The following PLD5 variants were observed in gnomAD, a reference collection of about 807,000 sequenced individuals.
PLD5 encodes phospholipase D family member 5.
PLD5 carries 36 observed loss-of-function variants against 61.1 expected under a neutral mutation model. The observed-to-expected ratio is 0.59, with a 90% CI of 0.45 to 0.78. The LOEUF (loss-of-function observed/expected upper bound fraction) is 0.78, where lower values mean the gene tolerates loss of function less well. Ranked by LOEUF, PLD5 falls within the 30% of genes least tolerant of loss-of-function variation. The pLI is 0.00. For missense variants in PLD5, 515 were observed against 644.4 expected (o/e 0.80, Z 2.17); for synonymous variants, 243 against 242.8 (o/e 1.00, Z -0.01).
At chr1:242,244,489 A>G (rs578224484) in intron 4 of PLD5, among the ~76,000 whole-genome samples, 1 of 152,250 alleles carries the variant, frequency 6.6e-6, no homozygotes, top group Non-Finnish European at 1.5e-5. Context: ...TGAGCTGAGA[A>G]AAACAGATTC....
intron 1 of PLD5, among the ~76,000 whole-genome samples, chr1:242,414,077 C>T (rs1358578566): frequency 1.3e-5 from 2 of 152,070 alleles, no homozygotes; most frequent in Non-Finnish European, 2.9e-5. Context: ...TTAAAATGGT[C>T]TAGCTGAGAT....
At chr1:242,417,150 G>T (rs1664875449) in intron 1 of PLD5, among the ~76,000 whole-genome samples, 1 of 152,218 alleles carries the variant, frequency 6.6e-6, no homozygotes, top group African/African-American at 2.4e-5. Context: ...AAGCAGGTGA[G>T]GAAGTTAGCT....
intron 1 of PLD5, among the ~76,000 whole-genome samples, chr1:242,489,164 T>A (rs1028267353): frequency 6.6e-6 from 1 of 152,016 alleles, no homozygotes; most frequent in Non-Finnish European, 1.5e-5. Flanking sequence ...GCAAAACTCA[T>A]CTCCAGTGAC....
rs988907651 is a variant in PLD5, at chr1:242,288,525, G to A, written c.332C>T (p.Ala111Val). The A allele has an allele frequency of 1.3e-6, 2 of 1,586,834 alleles. No individual in the cohort carries two copies. Among genetic ancestry groups the A allele is most frequent in the Non-Finnish European group, 1.7e-6 (2 of 1,170,708 alleles). ...GCCTTCAGGAATATTTTCCACCAGG[G>A]CAATTCTTAGAAAAGATTTTGAAAA... The part of the protein sequence containing the change: ...EKNCQNKCRI[A>V]LVENIPEGLN... Residue 111 changes from alanine to valine, a missense_variant, in exon 3 of 10, where the codon GCC becomes GTC. Ala to Val is a moderately conservative substitution (Grantham distance 64, BLOSUM62 0). Coordinates refer to ENST00000536534, the MANE Select transcript of PLD5 (RefSeq NM_001372062.1).
chr1:242,391,355 T>C (rs771253208), intron 1 of PLD5, among the ~76,000 whole-genome samples: 9 of 152,062 alleles, frequency 5.9e-5, no homozygotes, highest in Non-Finnish European at 1.2e-4. Flanking sequence ...TATAATGCGG[T>C]AAAGTAACAT....
intron 1 of PLD5, among the ~76,000 whole-genome samples, chr1:242,382,267 T>C (rs555741930): frequency 2.6e-5 from 4 of 152,242 alleles, no homozygotes; most frequent in South Asian, 2.1e-4. Flanking sequence ...TAGGTGAAGA[T>C]TGACATCATT....
intron 1 of PLD5, among the ~76,000 whole-genome samples, chr1:242,362,522 C>T (rs6701179): frequency 0.89 from 134,832 of 152,172 alleles, 61,168 homozygotes; most frequent in Non-Finnish European, 0.98. Flanking sequence ...TATGGTATTC[C>T]TGGCCCTATA....
intron 2 of PLD5, among the ~76,000 whole-genome samples, chr1:242,346,311 T>C (rs1018742355): frequency 3.3e-5 from 5 of 152,122 alleles, no homozygotes; most frequent in African/African-American, 9.7e-5. Flanking sequence ...AAATGACCAA[T>C]ACCTGATAAT....
rs1328789347 is a variant in PLD5 at position 242,207,828 on chromosome 1, A to T, written c.735+12160T>A. On this transcript the variant is annotated intron_variant, in intron 5 of 9. Transcript: ENST00000536534. Reference sequence around the variant, plus strand: ...TATATATTTATATTTATATATTTATATATATTTATATATTTATATATATTT... The same window carrying T: ...TATATATTTATATTTATATATTTATTTATATTTATATATTTATATATATTT... Among the ~76,000 whole-genome samples, 15 of 56,812 alleles carry T rather than the reference A, an allele frequency of 2.6e-4. No homozygotes were observed. The South Asian group carries it at 3.1e-3, about 12-fold the overall frequency. The allele number at this position is 56,812 out of a possible 152,430, so 37.3% of individuals were successfully genotyped here. A position where few individuals can be genotyped will look rare whatever the true frequency, so the allele number is the denominator to read the frequency against.
At chr1:242,502,476 A>T (rs1398804107) in intron 1 of PLD5, among the ~76,000 whole-genome samples, 1 of 152,236 alleles carries the variant, frequency 6.6e-6, no homozygotes, top group East Asian at 1.9e-4. Context: ...TCTGATTAAC[A>T]GTTACCAAGA....
intron 1 of PLD5, among the ~76,000 whole-genome samples, chr1:242,364,838 T>A (rs1661254796): frequency 6.6e-6 from 1 of 151,542 alleles, no homozygotes. Context: ...GACAAGGGAA[T>A]AGAAATAATA....
At chr1:242,244,244 C>T (rs1288425555) in intron 4 of PLD5, among the ~76,000 whole-genome samples, 7 of 152,120 alleles carry the variant, frequency 4.6e-5, no homozygotes, top group East Asian at 3.8e-4. Flanking sequence ...CAGTTAAATA[C>T]GATGATGTAT....
At chr1:242,148,661 T>G (rs1334882806) in intron 5 of PLD5, among the ~76,000 whole-genome samples, 3 of 152,022 alleles carry the variant, frequency 2.0e-5, no homozygotes, top group African/African-American at 7.2e-5. Context: ...AAAATTCATT[T>G]GATGAGTGCT....
chr1:242,471,797 T>C (rs1667455352), intron 1 of PLD5, among the ~76,000 whole-genome samples: 1 of 152,312 alleles, frequency 6.6e-6, no homozygotes, highest in African/African-American at 2.4e-5. Context: ...TTCTGAACTT[T>C]GAAGCCAATC....
At chr1:242,487,331 C>CA (rs1270806713) in intron 1 of PLD5, among the ~76,000 whole-genome samples, 24 of 151,988 alleles carry the variant, frequency 1.6e-4, no homozygotes, top group Non-Finnish European at 2.1e-4. Flanking sequence ...ATAAAACTAC[C>CA]AAAAAACAAA....
chr1:242,386,749 A>G (rs1662624589), intron 1 of PLD5, among the ~76,000 whole-genome samples: 1 of 152,212 alleles, frequency 6.6e-6, no homozygotes, highest in African/African-American at 2.4e-5. Flanking sequence ...GGGCTTTATA[A>G]TAGAATTTCG....
intron 4 of PLD5, among the ~76,000 whole-genome samples, chr1:242,260,086 C>T (rs557793433): frequency 4.0e-4 from 61 of 152,184 alleles, no homozygotes; most frequent in South Asian, 8.3e-4. Context: ...GGGTGGCTCA[C>T]GCCTGTACTC....
chr1:242,245,128 T>C (rs1342154515), intron 4 of PLD5, among the ~76,000 whole-genome samples: 2 of 152,196 alleles, frequency 1.3e-5, no homozygotes, highest in Non-Finnish European at 2.9e-5. Flanking sequence ...TTTTTCAGAC[T>C]TGAACCACTG....
At chr1:242,335,682 C>G (rs180705204) in intron 2 of PLD5, among the ~76,000 whole-genome samples, 1 of 152,266 alleles carries the variant, frequency 6.6e-6, no homozygotes, top group East Asian at 1.9e-4. Flanking sequence ...TAATAAGGGA[C>G]AGCCCTGATT....
Sources: gnomAD v4.1 joint callset for allele counts (sites outside exome capture counted in the v4.1 genomes callset) on GRCh38, gnomAD v4.1.1 for gene constraint, MANE v1.5 for transcripts, NCBI Gene and HGNC (gene_info 2026-07-23, HGNC 2026-07-21) for gene names.